Variants in ANKRD11 observed in about 807,000 individuals in gnomAD.
ANKRD11 encodes the protein ankyrin repeat domain-containing protein 11.
In ANKRD11, 17 loss-of-function variants were observed where a neutral mutation model predicts 195.7. The observed-to-expected ratio is 0.09, with a 90% CI of 0.06 to 0.13. ANKRD11 has a LOEUF of 0.13. ANKRD11 is among the 10% of genes least tolerant of loss of function. The probability of loss-of-function intolerance (pLI) is 1.00; values close to 1 mark genes in which losing one functional copy is unlikely to be tolerated. For missense variants in ANKRD11, 3,735 were observed against 3,566.1 expected (o/e 1.05, Z -1.21); for synonymous variants, 1,953 against 1,528.1 (o/e 1.28, Z -6.49).
At chr16:89,437,293 A>T (rs1270428915) in intron 1 of ANKRD11, among the ~76,000 whole-genome samples, 2 of 152,188 alleles carry the variant, frequency 1.3e-5, no homozygotes, top group Admixed American at 6.5e-5. Context: ...AGAATTTTTT[A>T]AAAAGCCACC....
chr16:89,442,533 C>T (rs1023690163), intron 1 of ANKRD11, among the ~76,000 whole-genome samples: 3 of 152,160 alleles, frequency 2.0e-5, no homozygotes, highest in Admixed American at 2.0e-4. Context: ...TCTCTCAATA[C>T]CCCTAGATTT....
At chr16:89,373,566 G>C (rs2152086214) in intron 2 of ANKRD11, 1 of 152,392 alleles carries the variant, frequency 6.6e-6, no homozygotes, top group South Asian at 2.1e-4. Flanking sequence ...AGCAGTACCA[G>C]ACACCAGCGA....
At chr16:89,377,270 A>G (rs775947949) in intron 2 of ANKRD11, among the ~76,000 whole-genome samples, 6 of 151,306 alleles carry the variant, frequency 4.0e-5, no homozygotes, top group African/African-American at 9.7e-5. Context: ...TCAACATGGG[A>G]GAGAGAGAGA....
At position 89,332,193 on chromosome 16, in the gene ANKRD11, A is replaced by T. The variant is rs2038101900; in HGVS notation, c.-59-15115T>A. Among the ~76,000 whole-genome samples the T allele has an allele frequency of 1.3e-5, 2 of 152,292 alleles. 1 individual carries two copies. Among genetic ancestry groups the T allele is most frequent in the South Asian group, 4.1e-4 (2 of 4,828 alleles). On this transcript the variant is annotated intron_variant, in intron 2 of 12. Coordinates refer to ENST00000301030, the MANE Select transcript of ANKRD11 (RefSeq NM_013275.6). Reference sequence around the variant, plus strand: ...AGCTGCAGAATGTGTCACAGAAATGACTTCCTTACGTATTAAAGAATCCTC... The same window carrying T: ...AGCTGCAGAATGTGTCACAGAAATGTCTTCCTTACGTATTAAAGAATCCTC...
At chr16:89,449,612 G>A (rs1359227217) in intron 1 of ANKRD11, among the ~76,000 whole-genome samples, 1 of 151,924 alleles carries the variant, frequency 6.6e-6, no homozygotes, top group African/African-American at 2.4e-5. Flanking sequence ...TGACCAACAT[G>A]GAGAAACCCC....
intron 1 of ANKRD11, among the ~76,000 whole-genome samples, chr16:89,478,834 T>G (rs576808360): frequency 8.5e-5 from 13 of 152,346 alleles, no homozygotes; most frequent in Admixed American, 7.8e-4. Flanking sequence ...GACACTGGGA[T>G]TATTCCTAAA....
At chr16:89,300,787 C>T in intron 4 of ANKRD11, 1 of 685,486 alleles carries the variant, frequency 1.5e-6, no homozygotes, top group Non-Finnish European at 2.7e-6. Context: ...GAGAGCACAC[C>T]CCAGGCACCA....
intron 1 of ANKRD11, among the ~76,000 whole-genome samples, chr16:89,465,904 G>T (rs2056865750): frequency 6.6e-6 from 1 of 152,098 alleles, no homozygotes; most frequent in Non-Finnish European, 1.5e-5. Context: ...TAGAGATGGG[G>T]TTTCACCGTG....
chr16:89,457,529 C>A (rs1440852803), intron 1 of ANKRD11, among the ~76,000 whole-genome samples: 6 of 144,826 alleles, frequency 4.1e-5, no homozygotes, highest in Non-Finnish European at 9.0e-5. Flanking sequence ...ACCCGGGAGG[C>A]GGAGGCTGCA....
chr16:89,440,909 C>T (rs373443950), intron 1 of ANKRD11, among the ~76,000 whole-genome samples: 205 of 152,286 alleles, frequency 1.3e-3, no homozygotes, highest in African/African-American at 4.8e-3. Context: ...ACAGTCAAAA[C>T]GGAAAGAGAG....
At chr16:89,350,360 G>T (rs141382844) in intron 2 of ANKRD11, among the ~76,000 whole-genome samples, 30 of 152,240 alleles carry the variant, frequency 2.0e-4, no homozygotes, top group African/African-American at 7.2e-4. Context: ...CTGATGCTTT[G>T]CATGCAACTA....
rs1310910563 is a variant in ANKRD11, at chr16:89,353,194, T to C, written c.-59-36116A>G. Among the ~76,000 whole-genome samples, 8 of 151,964 alleles carry C rather than the reference T, an allele frequency of 5.3e-5. No individual in the cohort carries two copies. The East Asian group carries it at 9.8e-4, about 19-fold the overall frequency. On this transcript the variant is annotated intron_variant, in intron 2 of 12. Transcript: ENST00000301030. ...CCGTCTCTACTAAAAATACAAAAATTAGCCGTGCATGGTGGCAGACGCCTA... is the reference window on the plus strand; with the variant it reads ...CCGTCTCTACTAAAAATACAAAAATCAGCCGTGCATGGTGGCAGACGCCTA...
chr16:89,321,584 C>A (rs987269129), intron 2 of ANKRD11, among the ~76,000 whole-genome samples: 1 of 152,010 alleles, frequency 6.6e-6, no homozygotes, highest in Non-Finnish European at 1.5e-5. Context: ...TCACGGGTCC[C>A]CTCGGGCCTT....
intron 1 of ANKRD11, among the ~76,000 whole-genome samples, chr16:89,435,383 C>T (rs2043171302): frequency 6.6e-6 from 1 of 152,166 alleles, no homozygotes; most frequent in Non-Finnish European, 1.5e-5. Flanking sequence ...CACTGGGGTC[C>T]CCTTCCATGC....
Position 89,281,931 on chromosome 16 carries a change from A to G in ANKRD11, c.4611T>C (p.Gly1537=). ...CTGGGTCGCCCTTTTCTTTCTCTGC[A>G]CCGTCCTTGAATTTCTCCTTCAGTT... ...DAKLKEKFKD[G]AEKEKGDPVK... Residue 1537 remains glycine (G), a synonymous_variant, in exon 9 of 13, where the codon GGT becomes GGC. Coordinates refer to ENST00000301030, the MANE Select transcript of ANKRD11 (RefSeq NM_013275.6). The surrounding 1 kb of genome is among the most constrained non-coding windows in gnomAD (Gnocchi z 5.5). 6.2e-7 allele frequency: 1 copy of G among 1,612,680 alleles called. No individual in the cohort carries two copies.
At chr16:89,374,538 G>A (rs970771174) in intron 2 of ANKRD11, among the ~76,000 whole-genome samples, 3 of 152,268 alleles carry the variant, frequency 2.0e-5, no homozygotes, top group South Asian at 2.1e-4. Context: ...GGCCTCTGCC[G>A]GCCGCTGTGT....
intron 2 of ANKRD11, among the ~76,000 whole-genome samples, chr16:89,353,348 A>G (rs1002074118): frequency 6.7e-5 from 10 of 149,964 alleles, no homozygotes; most frequent in African/African-American, 2.3e-4. Context: ...ACTCCAAAAA[A>G]AAAGAGAGAG....
At chr16:89,417,057 G>C (rs184261707) in intron 2 of ANKRD11, among the ~76,000 whole-genome samples, 20 of 152,240 alleles carry the variant, frequency 1.3e-4, no homozygotes, top group Non-Finnish European at 1.3e-4. Context: ...CACAGATTAA[G>C]AGAAGACAAT....
chr16:89,316,784 T>C (rs1485376416), intron 3 of ANKRD11, 149 bp downstream of exon 3: 1 of 962,594 alleles, frequency 1.0e-6, no homozygotes, highest in Non-Finnish European at 1.6e-6. Context: ...AGATCACTCC[T>C]CACCACCCTC....
Sources: gnomAD v4.1 joint callset for allele counts (sites outside exome capture counted in the v4.1 genomes callset) on GRCh38, gnomAD v4.1.1 for gene constraint, Gnocchi (gnomAD v3.1) non-coding constraint, MANE v1.5 for transcripts, NCBI Gene and HGNC (gene_info 2026-07-23, HGNC 2026-07-21) for gene names.